The following WNT2 variants were observed in gnomAD, a reference collection of about 807,000 sequenced individuals.
WNT2 encodes the protein Wnt family member 2.
In WNT2, 12 loss-of-function variants were observed where a neutral mutation model predicts 36.9. The ratio of observed to expected loss-of-function variants is 0.33; its 90% confidence interval spans 0.21 to 0.53. The LOEUF (loss-of-function observed/expected upper bound fraction) is 0.53, where lower values mean the gene tolerates loss of function less well. WNT2 is among the 20% of genes least tolerant of loss of function. The pLI, the probability that WNT2 is intolerant of heterozygous loss-of-function variation, is 0.95. For synonymous variants in WNT2, 163 were observed against 174.6 expected (o/e 0.93, Z 0.52); for missense variants, 379 against 473.1 (o/e 0.80, Z 1.84).
At chr7:117,316,937 G>A (rs906220176) in intron 2 of WNT2, among the ~76,000 whole-genome samples, 1 of 152,178 alleles carries the variant, frequency 6.6e-6, no homozygotes, top group African/African-American at 2.4e-5. Context: ...ATGCTAATGT[G>A]ACTTAATCTC....
chr7:117,316,303 G>A (rs567350320), intron 2 of WNT2, among the ~76,000 whole-genome samples: 1 of 152,316 alleles, frequency 6.6e-6, no homozygotes, highest in East Asian at 1.9e-4. Context: ...ACACGGTGTT[G>A]TGGTATAGTG....
At chr7:117,311,817 C>G (rs899974271) in intron 3 of WNT2, among the ~76,000 whole-genome samples, 3 of 152,096 alleles carry the variant, frequency 2.0e-5, no homozygotes, top group African/African-American at 7.2e-5. Context: ...CTTGTCTTCC[C>G]GTAGCACCAC....
chr7:117,306,200 CT>C (rs796633314), intron 3 of WNT2, among the ~76,000 whole-genome samples: 26 of 152,034 alleles, frequency 1.7e-4, no homozygotes, highest in East Asian at 1.2e-3. Flanking sequence ...AATTTAAACC[CT>C]TTTTTTTCTA....
chr7:117,320,835 C>G (rs1336419777), intron 1 of WNT2, 42 bp from the exon 2 acceptor site: 1 of 1,542,440 alleles, frequency 6.5e-7, no homozygotes. Flanking sequence ...GCAACGTGAA[C>G]AGGGAGGCCT....
chr7:117,315,499 G>T, intron 2 of WNT2, 151 bp from the exon 3 acceptor site: 1 of 840,286 alleles, frequency 1.2e-6, no homozygotes, highest in Non-Finnish European at 1.8e-6. Context: ...CTTTTCTAGA[G>T]CCCAGGCTCT....
At position 117,293,759 on chromosome 7, in the gene WNT2, G is replaced by A. The variant is rs73213803; in HGVS notation, c.853+3853C>T. On this transcript the variant is annotated intron_variant, in intron 4 of 4. Transcript: ENST00000265441. ...TTAGCACGGTGGGGTTGGGGGCCTC[G>A]GTGGTGTGCTTACTCAATAATGTGT... 9.0e-3 allele frequency among the ~76,000 whole-genome samples: 1,367 copies of A among 152,168 alleles called. 12 individuals carry two copies. The highest frequency in any genetic ancestry group is 0.037 in the Middle Eastern group (11 of 294).
chr7:117,295,689 A>G (rs183052078), intron 4 of WNT2, among the ~76,000 whole-genome samples: 1 of 152,340 alleles, frequency 6.6e-6, no homozygotes, highest in East Asian at 1.9e-4. Flanking sequence ...CTTTTCACAT[A>G]TGTGTCCTTG....
intron 2 of WNT2, among the ~76,000 whole-genome samples, chr7:117,319,770 C>T (rs746708247): frequency 3.9e-5 from 6 of 152,242 alleles, no homozygotes; most frequent in South Asian, 2.1e-4. Context: ...AAGTTTACTA[C>T]GTAATTAGAA....
intron 4 of WNT2, among the ~76,000 whole-genome samples, chr7:117,286,790 T>TAAGA (rs3840659): frequency 6.6e-6 from 1 of 152,208 alleles, no homozygotes; most frequent in Non-Finnish European, 1.5e-5. Flanking sequence ...TCTTCACTTA[T>TAAGA]CTCAGATGAT....
intron 3 of WNT2, among the ~76,000 whole-genome samples, chr7:117,311,548 A>G (rs1230135571): frequency 3.9e-5 from 6 of 152,236 alleles, no homozygotes; most frequent in Non-Finnish European, 7.3e-5. Context: ...TTTTGGAAAT[A>G]TCAAATTATA....
intron 2 of WNT2, among the ~76,000 whole-genome samples, chr7:117,317,791 TG>T (rs1211361125): frequency 6.6e-6 from 1 of 152,200 alleles, no homozygotes; most frequent in African/African-American, 2.4e-5. Flanking sequence ...AGTTTTTATT[TG>T]GGGTAGAGAG....
intron 3 of WNT2, among the ~76,000 whole-genome samples, chr7:117,310,975 T>C (rs1795110113): frequency 1.3e-5 from 2 of 152,222 alleles, no homozygotes; most frequent in Admixed American, 1.3e-4. Context: ...GGCTGCTTTG[T>C]TTTATTCTTT....
intron 4 of WNT2, among the ~76,000 whole-genome samples, chr7:117,293,426 A>G (rs1794728945): frequency 6.6e-6 from 1 of 152,124 alleles, no homozygotes; most frequent in Non-Finnish European, 1.5e-5. Context: ...GCGCCCACTA[A>G]GTTGAATATT....
chr7:117,303,988 G>A (rs1025595171), intron 3 of WNT2, among the ~76,000 whole-genome samples: 2 of 152,162 alleles, frequency 1.3e-5, no homozygotes, highest in East Asian at 3.9e-4. Flanking sequence ...CAGACCTAAC[G>A]TTATGCCCTG....
chr7:117,309,602 T>G (rs1247270810), intron 3 of WNT2, among the ~76,000 whole-genome samples: 1 of 152,224 alleles, frequency 6.6e-6, no homozygotes, highest in African/African-American at 2.4e-5. Flanking sequence ...CCCTGAGGCT[T>G]GCTTACCACC....
chr7:117,288,818 T>C (rs189108626), intron 4 of WNT2, among the ~76,000 whole-genome samples: 33 of 152,292 alleles, frequency 2.2e-4, no homozygotes, highest in Middle Eastern at 3.4e-3. Context: ...AATATAGTAA[T>C]TCTACTAAGT....
intron 4 of WNT2, among the ~76,000 whole-genome samples, chr7:117,296,637 A>T: frequency 6.6e-6 from 1 of 152,136 alleles, no homozygotes; most frequent in Non-Finnish European, 1.5e-5. Context: ...TTTGCACTAG[A>T]ATCTTTACAA....
intron 3 of WNT2, among the ~76,000 whole-genome samples, chr7:117,299,210 A>G (rs1660284990): frequency 1.3e-5 from 2 of 152,144 alleles, no homozygotes; most frequent in Admixed American, 6.5e-5. Flanking sequence ...AGCTCACAGG[A>G]TGGCCTGGAT....
intron 3 of WNT2, among the ~76,000 whole-genome samples, chr7:117,303,270 C>G (rs1269209596): frequency 6.6e-6 from 1 of 152,182 alleles, no homozygotes; most frequent in Admixed American, 6.5e-5. Flanking sequence ...TGAAGAATTC[C>G]TGCGGCAGAA....
Sources: allele counts gnomAD v4.1 joint callset (sites outside exome capture counted in the v4.1 genomes callset), GRCh38; gene constraint gnomAD v4.1.1; transcripts MANE v1.5; gene names NCBI Gene and HGNC (gene_info 2026-07-23, HGNC 2026-07-21).